Variants in CHIC1 observed in about 807,000 individuals in gnomAD.
The protein encoded by CHIC1 is cysteine rich hydrophobic domain 1, also known as cysteine-rich hydrophobic domain-containing protein 1.
CHIC1 carries 7 observed loss-of-function variants against 18.5 expected under a neutral mutation model. The ratio of observed to expected loss-of-function variants is 0.38; its 90% CI spans 0.22 to 0.71. The LOEUF is 0.71. Among genes scored for constraint, CHIC1 ranks in the 30% least tolerant of loss-of-function variants. CHIC1 has a pLI of 0.49. For synonymous variants in CHIC1, 77 were observed against 73.5 expected, an observed-to-expected ratio of 1.05 and a Z score of -0.25; for missense variants, 159 against 176.9, an observed-to-expected ratio of 0.90 and a Z score of 0.57.
chrX:73,681,903 A>G lies in CHIC1; in HGVS notation c.*898A>G, dbSNP rs1252774545. On this transcript the variant is annotated 3_prime_UTR_variant, in exon 6 of 6. Coordinates refer to ENST00000373502, the MANE Select transcript of CHIC1 (RefSeq NM_001039840.4). ...GTTGTCTACTCCTTCCCACAAAAAA[A>G]CTATTTGACATCTGACACATTTCAC... 1 of 112,000 alleles carries G rather than the reference A, an allele frequency of 8.9e-6. No individual in the cohort carries two copies. Among genetic ancestry groups the G allele is most frequent in the Non-Finnish European group, 1.9e-5 (1 of 52,917 alleles). 9.2% of individuals were successfully genotyped at this position (112,000 alleles called of 1,213,427 possible).
intron 3 of CHIC1, among the ~76,000 whole-genome samples, chrX:73,637,296 T>G (rs968512616): frequency 2.2e-5 from 2 of 92,373 alleles, no homozygotes; most frequent in Admixed American, 2.3e-4. Flanking sequence ...TGATTTTAAG[T>G]TTTTTTTTTT....
intron 3 of CHIC1, among the ~76,000 whole-genome samples, chrX:73,612,587 G>C (rs1245350139): frequency 9.0e-6 from 1 of 111,375 alleles, no homozygotes; most frequent in African/African-American, 3.3e-5. Flanking sequence ...AGGAACATGT[G>C]GTTTAATTTC....
At chrX:73,663,720 G>A (rs2057991732) in intron 3 of CHIC1, among the ~76,000 whole-genome samples, 1 of 110,832 alleles carries the variant, frequency 9.0e-6, no homozygotes, top group African/African-American at 3.3e-5. Flanking sequence ...TGATTAATTG[G>A]TTCAGATATA....
chrX:73,600,762 C>G (rs1172849624), intron 3 of CHIC1, among the ~76,000 whole-genome samples: 1 of 106,690 alleles, frequency 9.4e-6, no homozygotes, highest in Non-Finnish European at 1.9e-5. Flanking sequence ...ATTTTTGCAT[C>G]AATGTTCATC....
At chrX:73,602,938 G>C (rs1569502056) in intron 3 of CHIC1, among the ~76,000 whole-genome samples, 1 of 108,843 alleles carries the variant, frequency 9.2e-6, no homozygotes, top group African/African-American at 3.6e-5. Context: ...ATAATTCGAA[G>C]TCAGATAGCG....
chrX:73,679,789 A>T lies in CHIC1; in HGVS notation c.624+76A>T, dbSNP rs1372270545. The stretch of plus-strand genomic sequence containing the variant: ...ATTTTCCTGTGTTTATCATTTGTCA[A>T]CTATTCCTTCTTTTTTCTCCTCAGC... On this transcript the variant is annotated intron_variant, in intron 5 of 5. Coordinates refer to ENST00000373502, the MANE Select transcript of CHIC1 (RefSeq NM_001039840.4). 3 of 531,356 alleles carry T rather than the reference A, an allele frequency of 5.6e-6. No homozygotes were observed. In the African/African-American group the frequency reaches 7.4e-5, roughly 13 times the overall value. 43.8% of individuals were successfully genotyped at this position (531,356 alleles called of 1,213,427 possible). A position where few individuals can be genotyped will look rare whatever the true frequency, so the allele number is the denominator to read the frequency against.
chrX:73,581,234 G>T (rs2057525626), intron 2 of CHIC1, among the ~76,000 whole-genome samples: 2 of 110,721 alleles, frequency 1.8e-5, no homozygotes, highest in African/African-American at 6.5e-5. Context: ...TCCTGCTGCG[G>T]TTTGCTTAGA....
intron 3 of CHIC1, among the ~76,000 whole-genome samples, chrX:73,623,590 G>C (rs953379131): frequency 1.8e-5 from 2 of 109,556 alleles, no homozygotes; most frequent in African/African-American, 3.3e-5. Flanking sequence ...TTTTTACAAG[G>C]TTGATTTTTC....
rs2057515167 is a variant in CHIC1, at chrX:73,579,203, T to A, written c.351+1742T>A. On this transcript the variant is annotated intron_variant, in intron 2 of 5. Transcript: ENST00000373502. ...CTTTGCAGTCAAATCTGGGTTGGAA[T>A]CCAGGTTATGTCACTTACTGTGTGG... 4.5e-5 allele frequency among the ~76,000 whole-genome samples: 5 copies of A among 110,408 alleles called. No homozygotes were observed. In the South Asian group the frequency reaches 1.9e-3, roughly 42 times the overall value.
At chrX:73,647,926 C>G (rs1166926195) in intron 3 of CHIC1, among the ~76,000 whole-genome samples, 1 of 111,816 alleles carries the variant, frequency 8.9e-6, no homozygotes, top group Non-Finnish European at 1.9e-5. Context: ...GACCCTTCAA[C>G]AGGAGTTGTC....
intron 1 of CHIC1, among the ~76,000 whole-genome samples, chrX:73,576,215 T>C (rs2147543638): frequency 9.1e-6 from 1 of 110,361 alleles, no homozygotes; most frequent in African/African-American, 3.3e-5. Flanking sequence ...AGAAGGAATA[T>C]ATACTAAAAT....
rs1179695940 is a variant in CHIC1, at chrX:73,682,977, A to G, written c.*1972A>G. 3 of 111,525 alleles carry G rather than the reference A, an allele frequency of 2.7e-5. No homozygotes were observed. The Admixed American group carries it at 2.9e-4, about 11-fold the overall frequency. The allele number at this position is 111,525 out of a possible 1,213,427, so 9.2% of individuals were successfully genotyped here. A position where few individuals can be genotyped will look rare whatever the true frequency, so the allele number is the denominator to read the frequency against. On this transcript the variant is annotated 3_prime_UTR_variant, in exon 6 of 6. Coordinates refer to ENST00000373502, the MANE Select transcript of CHIC1 (RefSeq NM_001039840.4). Reference sequence around the variant, plus strand: ...CAAAATATCTCATTTTCACTGATAGAAAATTGCTTTTAAGTGTTGATCCTT... The same window carrying G: ...CAAAATATCTCATTTTCACTGATAGGAAATTGCTTTTAAGTGTTGATCCTT...
rs1267906283 is a variant in CHIC1, at chrX:73,611,072, C to T, written c.507+26500C>T. 6.6e-5 allele frequency among the ~76,000 whole-genome samples: 7 copies of T among 106,186 alleles called. 1 individual carries two copies. The highest frequency in any genetic ancestry group is 1.1e-4 in the African/African-American group (3 of 27,001). The allele number at this position is 106,186 out of a possible 115,157, so 92.2% of individuals were successfully genotyped here. On this transcript the variant is annotated intron_variant, in intron 3 of 5. Coordinates refer to ENST00000373502, the MANE Select transcript of CHIC1 (RefSeq NM_001039840.4). ...TTTAGGGTACATGTGCACAACGTGC[C>T]GGTTAGTTACATATGTACACATGTG...
intron 3 of CHIC1, among the ~76,000 whole-genome samples, chrX:73,644,686 G>T (rs766981189): frequency 3.5e-5 from 4 of 112,829 alleles, no homozygotes; most frequent in Non-Finnish European, 7.5e-5. Context: ...CTCCAAGCCA[G>T]GTGCAGTATA....
intron 3 of CHIC1, among the ~76,000 whole-genome samples, chrX:73,629,032 G>A (rs1330900534): frequency 9.0e-6 from 1 of 111,080 alleles, no homozygotes; most frequent in Non-Finnish European, 1.9e-5. Context: ...TAGGTTTTAG[G>A]TAATACATCA....
chrX:73,667,215 C>T (rs1287765715), intron 3 of CHIC1, among the ~76,000 whole-genome samples: 2 of 111,589 alleles, frequency 1.8e-5, no homozygotes, highest in African/African-American at 3.3e-5. Context: ...AATTTTCTTC[C>T]ATCCCTTTAT....
At chrX:73,672,915 T>C (rs2058039605) in intron 3 of CHIC1, among the ~76,000 whole-genome samples, 1 of 112,147 alleles carries the variant, frequency 8.9e-6, no homozygotes, top group African/African-American at 3.3e-5. Flanking sequence ...CATGTAAGTC[T>C]TTAATCCATC....
chrX:73,615,809 C>T (rs774399222), intron 3 of CHIC1, among the ~76,000 whole-genome samples: 1 of 111,200 alleles, frequency 9.0e-6, no homozygotes, highest in South Asian at 3.9e-4. Flanking sequence ...GATTGTACCA[C>T]AGCCTTGTTC....
chrX:73,658,874 G>A (rs1163828888), intron 3 of CHIC1, among the ~76,000 whole-genome samples: 1 of 111,489 alleles, frequency 9.0e-6, no homozygotes, highest in East Asian at 2.8e-4. Context: ...ATTTCTTTCT[G>A]CCAAGTCTGA....
Sources: allele counts gnomAD v4.1 joint callset (sites outside exome capture counted in the v4.1 genomes callset), GRCh38; gene constraint gnomAD v4.1.1; transcripts MANE v1.5; gene names NCBI Gene and HGNC (gene_info 2026-07-23, HGNC 2026-07-21).